MIB1: variants seen among roughly 807,000 people sequenced by gnomAD.
The protein encoded by MIB1 is E3 ubiquitin-protein ligase MIB1.
MIB1 carries 278 observed loss-of-function variants against 124.5 expected under a neutral mutation model. The observed-to-expected ratio is 2.23, with a 90% CI of 2.02 to 2.47. The LOEUF (loss-of-function observed/expected upper bound fraction) is 2.47, where lower values mean the gene tolerates loss of function less well. MIB1 is among the 30% of genes most tolerant of loss of function. The pLI, the probability that MIB1 is intolerant of heterozygous loss-of-function variation, is 0.00. For synonymous variants in MIB1, 446 were observed against 429.4 expected (o/e 1.04, Z -0.48); for missense variants, 957 against 1,254.4 (o/e 0.76, Z 3.58).
chr18:21,844,161 C>CT lies in MIB1; in HGVS notation c.2120dup (p.Arg708LysfsTer58). On this transcript the variant is annotated frameshift_variant, in exon 15 of 21. Transcript: ENST00000261537. LOFTEE classifies it high-confidence loss of function. ...TGGGGATACTCCTTTGCATGAAGCT[C>CT]TAAGGCATCACACTTTGTCTCAGCT... The CT allele has an allele frequency of 6.2e-7, 1 of 1,614,092 alleles. No individual in the cohort carries two copies. The highest frequency in any genetic ancestry group is 8.5e-7 in the Non-Finnish European group (1 of 1,180,016).
chr18:21,815,932 C>T lies in MIB1; in HGVS notation c.1677+119C>T, dbSNP rs1157448597. 6 of 909,916 alleles carry T rather than the reference C, an allele frequency of 6.6e-6. No homozygotes were observed. The African/African-American group carries it at 6.7e-5, about 10-fold the overall frequency. 56.4% of individuals were successfully genotyped at this position (909,916 alleles called of 1,614,324 possible). ...TTCTCATATGTCATAGTAAATGATA[C>T]CAAAGGCGTAAGATGTTACAAAATT... On this transcript the variant is annotated intron_variant, in intron 11 of 20. Transcript: ENST00000261537.
At chr18:21,725,995 T>C (rs544899270) in intron 1 of MIB1, among the ~76,000 whole-genome samples, 2 of 152,320 alleles carry the variant, frequency 1.3e-5, no homozygotes, top group South Asian at 4.1e-4. Context: ...TCTCAAACAG[T>C]TTGTTTTCAA....
intron 6 of MIB1, among the ~76,000 whole-genome samples, chr18:21,786,251 G>A (rs1456308015): frequency 6.6e-6 from 1 of 151,624 alleles, no homozygotes; most frequent in Non-Finnish European, 1.5e-5. Flanking sequence ...CGCCTGCCAC[G>A]ACACCTGGCT....
rs1568193522 is a variant in MIB1, at chr18:21,768,674, CTT to C, written c.455_456del (p.Phe152CysfsTer23). 1.9e-6 allele frequency: 3 copies of C among 1,604,738 alleles called. No homozygotes were observed. The highest frequency in any genetic ancestry group is 1.7e-5 in the Admixed American group (1 of 58,870). On this transcript the variant is annotated frameshift_variant, in exon 3 of 21. Transcript: ENST00000261537. LOFTEE classifies it high-confidence loss of function. Reference protein sequence around the residue: ...KSKKITARGIFAGARVVRGVD... With the variant: ...KSKKITARGIXAGARVVRGVD... ...CTAAGAAGATTACAGCCAGAGGAAT[CTT>C]TGCAGGTGCCAGAGTGGTGCGAGGA... is the stretch of plus-strand genomic sequence containing the variant.
At chr18:21,860,725 C>G (rs985516282) in intron 20 of MIB1, among the ~76,000 whole-genome samples, 16 of 151,902 alleles carry the variant, frequency 1.1e-4, no homozygotes, top group African/African-American at 3.6e-4. Context: ...AACTAATGAC[C>G]CTTGTGATAA....
At chr18:21,730,932 G>A (rs1203648278) in intron 1 of MIB1, among the ~76,000 whole-genome samples, 1 of 152,160 alleles carries the variant, frequency 6.6e-6, no homozygotes. Context: ...TTTCTCCAGT[G>A]TTTCATGCTT....
chr18:21,859,404 A>T (rs2042255001), intron 20 of MIB1, among the ~76,000 whole-genome samples: 1 of 151,462 alleles, frequency 6.6e-6, no homozygotes, highest in African/African-American at 2.4e-5. Flanking sequence ...AAAAAAAAAA[A>T]AAAGTCAAGG....
chr18:21,777,710 A>G (rs895339186), intron 4 of MIB1, among the ~76,000 whole-genome samples: 5 of 151,958 alleles, frequency 3.3e-5, no homozygotes, highest in Non-Finnish European at 5.9e-5. Flanking sequence ...GTCCAGCAGC[A>G]CACATGGCTA....
At chr18:21,729,134 C>T (rs1368175089) in intron 1 of MIB1, among the ~76,000 whole-genome samples, 1 of 152,186 alleles carries the variant, frequency 6.6e-6, no homozygotes, top group Non-Finnish European at 1.5e-5. Flanking sequence ...ACTCAATGAC[C>T]TGCTTATATA....
At position 21,756,664 on chromosome 18, in the gene MIB1, A is replaced by G. The variant is rs139433762; in HGVS notation, c.230-9108A>G. On this transcript the variant is annotated intron_variant, in intron 1 of 20. Transcript: ENST00000261537. ...TTTTTAGTAAAGATGGGGTTTCGCC[A>G]TGTTGGCTAGGCTGGTCTCAAACTC... Among the ~76,000 whole-genome samples the G allele has an allele frequency of 1.6e-3, 242 of 152,184 alleles. 1 individual carries two copies. Among genetic ancestry groups the G allele is most frequent in the African/African-American group, 5.5e-3 (228 of 41,530 alleles).
intron 12 of MIB1, chr18:21,827,601 C>T (rs2041937526): frequency 6.6e-6 from 1 of 152,026 alleles, no homozygotes; most frequent in Admixed American, 6.6e-5. Context: ...GAACATGAAT[C>T]ATTGCCATTC....
chr18:21,839,538 T>C (rs1457244960), intron 13 of MIB1, among the ~76,000 whole-genome samples: 1 of 152,218 alleles, frequency 6.6e-6, no homozygotes, highest in Non-Finnish European at 1.5e-5. Context: ...TGGGTCTCAC[T>C]CTGTCACCCA....
At chr18:21,799,242 ATATCT>A in intron 8 of MIB1, among the ~76,000 whole-genome samples, 1 of 152,178 alleles carries the variant, frequency 6.6e-6, no homozygotes, top group African/African-American at 2.4e-5. Context: ...TTAGAAAAAA[ATATCT>A]TATGAAAGGG....
At chr18:21,770,823 TAAAAA>T (rs1052044012) in intron 3 of MIB1, among the ~76,000 whole-genome samples, 3 of 152,186 alleles carry the variant, frequency 2.0e-5, no homozygotes, top group African/African-American at 7.2e-5. Flanking sequence ...ATTATTAACT[TAAAAA>T]AATACCATTT....
chr18:21,849,634 A>G (rs2042165380), intron 17 of MIB1, among the ~76,000 whole-genome samples: 1 of 152,088 alleles, frequency 6.6e-6, no homozygotes, highest in Non-Finnish European at 1.5e-5. Context: ...TTGATACACC[A>G]TTTTTACTGT....
chr18:21,821,534 TGTCATC>T (rs2041877657), intron 12 of MIB1, among the ~76,000 whole-genome samples: 1 of 152,156 alleles, frequency 6.6e-6, no homozygotes. Flanking sequence ...CTACCTCCTG[TGTCATC>T]ACTGGAATTA....
At chr18:21,724,637 G>A (rs1228820813) in intron 1 of MIB1, among the ~76,000 whole-genome samples, 5 of 146,096 alleles carry the variant, frequency 3.4e-5, no homozygotes, top group South Asian at 4.3e-4. Context: ...CTGTGGGGGC[G>A]GAGGTTGCAG....
intron 2 of MIB1, among the ~76,000 whole-genome samples, chr18:21,767,074 G>A (rs1305293893): frequency 6.6e-6 from 1 of 152,172 alleles, no homozygotes; most frequent in South Asian, 2.1e-4. Flanking sequence ...TAAGTATGTA[G>A]TACTGTGAGA....
intron 9 of MIB1, among the ~76,000 whole-genome samples, chr18:21,800,892 A>G (rs188709086): frequency 6.6e-6 from 1 of 152,202 alleles, no homozygotes; most frequent in Non-Finnish European, 1.5e-5. Context: ...TGAAGTACCA[A>G]GTATTTTTTG....
Sources: gnomAD v4.1 joint callset for allele counts (sites outside exome capture counted in the v4.1 genomes callset) on GRCh38, gnomAD v4.1.1 for gene constraint, MANE v1.5 for transcripts, NCBI Gene and HGNC (gene_info 2026-07-23, HGNC 2026-07-21) for gene names.